Variants in NEK11 observed in about 807,000 individuals in gnomAD.
NEK11 encodes NIMA related kinase 11, also known as serine/threonine-protein kinase Nek11.
NEK11 carries 72 observed loss-of-function variants against 80.7 expected under a neutral mutation model. The observed-to-expected ratio is 0.89, with a 90% confidence interval of 0.74 to 1.08. NEK11 has a LOEUF of 1.08. Among genes scored for constraint, NEK11 ranks in the 50% least tolerant of loss-of-function variants. The pLI is 0.00. For missense variants in NEK11, 764 were observed against 763.6 expected (o/e 1.00, Z -0.01); for synonymous variants, 251 against 260.7 (o/e 0.96, Z 0.36).
chr3:131,149,154 C>A (rs2089097519), intron 7 of NEK11, among the ~76,000 whole-genome samples: 1 of 151,944 alleles, frequency 6.6e-6, no homozygotes, highest in East Asian at 1.9e-4. Context: ...CTCCCTCTAC[C>A]CTCAAGTAGG....
At chr3:131,052,393 T>A (rs561977414) in intron 3 of NEK11, among the ~76,000 whole-genome samples, 21 of 152,322 alleles carry the variant, frequency 1.4e-4, no homozygotes, top group Middle Eastern at 3.4e-3. Context: ...ATTTCTTGCA[T>A]GAATTTTTAA....
chr3:131,078,349 G>A (rs968297774), intron 3 of NEK11, among the ~76,000 whole-genome samples: 2 of 152,118 alleles, frequency 1.3e-5, no homozygotes, highest in Non-Finnish European at 2.9e-5. Flanking sequence ...AAGGTCAAAC[G>A]TTACCCAACC....
chr3:131,346,612 G>A (rs374683005), intron 17 of NEK11, among the ~76,000 whole-genome samples: 34 of 152,304 alleles, frequency 2.2e-4, no homozygotes, highest in African/African-American at 7.9e-4. Context: ...AGGTATTTGC[G>A]AGATAATGGT....
intron 14 of NEK11, among the ~76,000 whole-genome samples, chr3:131,214,565 G>A (rs957960058): frequency 3.3e-5 from 5 of 152,242 alleles, no homozygotes; most frequent in Non-Finnish European, 7.3e-5. Flanking sequence ...AAGTTTCAGG[G>A]AAACATTACA....
chr3:131,048,056 G>A lies in NEK11; in HGVS notation c.170+18178G>A, dbSNP rs191799247. 1.3e-4 allele frequency among the ~76,000 whole-genome samples: 20 copies of A among 152,198 alleles called. No individual in the cohort carries two copies. In the East Asian group the frequency reaches 3.9e-3, roughly 29 times the overall value. Reference sequence around the variant, plus strand: ...CATCATGCAGGTCACCAGGGAAGTGGGAGAAAACTGGCAGTTACAGGCCTC... The same window carrying A: ...CATCATGCAGGTCACCAGGGAAGTGAGAGAAAACTGGCAGTTACAGGCCTC... On this transcript the variant is annotated intron_variant, in intron 3 of 17. Coordinates refer to ENST00000383366, the MANE Select transcript of NEK11 (RefSeq NM_024800.5).
At chr3:131,077,926 ACTT>A (rs964948786) in intron 3 of NEK11, among the ~76,000 whole-genome samples, 2 of 152,226 alleles carry the variant, frequency 1.3e-5, no homozygotes, top group African/African-American at 2.4e-5. Context: ...TCTAGAATCT[ACTT>A]CTTATTAAAT....
intron 16 of NEK11, among the ~76,000 whole-genome samples, chr3:131,270,527 T>G (rs1382629390): frequency 6.6e-6 from 1 of 152,232 alleles, no homozygotes; most frequent in Non-Finnish European, 1.5e-5. Flanking sequence ...CTTGCCCCAA[T>G]TATTTTTATT....
chr3:131,223,572 T>C (rs1247079956), intron 14 of NEK11, among the ~76,000 whole-genome samples: 2 of 152,222 alleles, frequency 1.3e-5, no homozygotes, highest in Non-Finnish European at 2.9e-5. Context: ...AAAGTTTTAT[T>C]GGGACATAGC....
intron 5 of NEK11, among the ~76,000 whole-genome samples, chr3:131,125,805 G>T (rs1268588199): frequency 6.6e-6 from 1 of 152,192 alleles, no homozygotes; most frequent in African/African-American, 2.4e-5. Context: ...AGCATCTCCT[G>T]TGAGTGAAGA....
At chr3:131,300,124 GA>G (rs767542603) in intron 17 of NEK11, among the ~76,000 whole-genome samples, 7 of 152,138 alleles carry the variant, frequency 4.6e-5, no homozygotes, top group Non-Finnish European at 1.0e-4. Context: ...TTTCTCTGAA[GA>G]TTAGTGATAT....
intron 17 of NEK11, among the ~76,000 whole-genome samples, chr3:131,344,418 G>T (rs2097331708): frequency 6.6e-6 from 1 of 152,168 alleles, no homozygotes. Flanking sequence ...CAGTCTCTAA[G>T]AAGTTCTAAA....
At chr3:131,092,416 G>T (rs965212574) in intron 4 of NEK11, among the ~76,000 whole-genome samples, 1 of 152,104 alleles carries the variant, frequency 6.6e-6, no homozygotes, top group African/African-American at 2.4e-5. Context: ...AGGCCACCAT[G>T]AACCAAAACA....
rs146723310 is a variant in NEK11 at position 131,105,000 on chromosome 3, G to A, written c.337-4803G>A. Among the ~76,000 whole-genome samples, 1,202 of 152,234 alleles carry A rather than the reference G, an allele frequency of 7.9e-3. 16 individuals are homozygous for A. The highest frequency in any genetic ancestry group is 0.026 in the African/African-American group (1,082 of 41,528). ...TGCTCTTCTTTGCTTTCTGTGGGTC[G>A]CTGTTGCTTCTTTGATGAATCAAAA... is the stretch of plus-strand genomic sequence containing the variant. On this transcript the variant is annotated intron_variant, in intron 4 of 17. Coordinates refer to ENST00000383366, the MANE Select transcript of NEK11 (RefSeq NM_024800.5).
chr3:131,321,851 G>T, intron 17 of NEK11, among the ~76,000 whole-genome samples: 1 of 152,178 alleles, frequency 6.6e-6, no homozygotes, highest in East Asian at 1.9e-4. Context: ...AGATGCTAGT[G>T]AGGCTGCAGA....
chr3:131,268,871 T>G (rs969220352), intron 16 of NEK11, among the ~76,000 whole-genome samples: 33 of 152,222 alleles, frequency 2.2e-4, no homozygotes, highest in African/African-American at 8.0e-4. Flanking sequence ...TGCCACAGCC[T>G]CCCCTTCCCC....
chr3:131,117,666 A>C (rs1033963015), intron 5 of NEK11, among the ~76,000 whole-genome samples: 5 of 152,116 alleles, frequency 3.3e-5, no homozygotes, highest in African/African-American at 4.8e-5. Flanking sequence ...AGTGGTTTGT[A>C]GTTCTACTTG....
In NEK11 at chr3:131,156,182, G is replaced by A. The variant is rs2090616582; in HGVS notation, c.962+1061G>A. On this transcript the variant is annotated intron_variant, in intron 10 of 17. Coordinates refer to ENST00000383366, the MANE Select transcript of NEK11 (RefSeq NM_024800.5). ...CATTATGAAATATTGACTTCAGATG[G>A]TCACTGCTATTTTCGAGATCTATGA... 2.0e-5 allele frequency among the ~76,000 whole-genome samples: 3 copies of A among 152,074 alleles called. No individual in the cohort carries two copies. The South Asian group carries it at 6.2e-4, about 32-fold the overall frequency.
chr3:131,175,074 C>A (rs12639101), intron 14 of NEK11: 25 of 1,145,762 alleles, frequency 2.2e-5, no homozygotes, highest in Non-Finnish European at 2.2e-5. Context: ...CTATGACTTA[C>A]GATATCACCT....
rs1232782037 is a variant in NEK11, at chr3:131,165,067, TG to T, written c.1083-358del. Among the ~76,000 whole-genome samples, 3 of 152,240 alleles carry T rather than the reference TG, an allele frequency of 2.0e-5. No individual in the cohort carries two copies. In the East Asian group the frequency reaches 5.8e-4, roughly 29 times the overall value. On this transcript the variant is annotated intron_variant, in intron 11 of 17. Transcript: ENST00000383366. ...GCTCTAGTTTTACTTTTTATGGGTT[TG>T]TTCATCCTGAAAGCAGTTTTTGTGT...
Sources: allele counts gnomAD v4.1 joint callset (sites outside exome capture counted in the v4.1 genomes callset), GRCh38; gene constraint gnomAD v4.1.1; transcripts MANE v1.5; gene names NCBI Gene and HGNC (gene_info 2026-07-23, HGNC 2026-07-21).